The following CLGN variants were observed in gnomAD, a reference collection of about 807,000 sequenced individuals.
CLGN encodes the protein testis tissue sperm-binding protein Li 79P.
CLGN carries 62 observed loss-of-function variants against 79.1 expected under a neutral mutation model. That is an observed-to-expected ratio of 0.78 (90% CI 0.64 to 0.97). The LOEUF (loss-of-function observed/expected upper bound fraction) is 0.97, where lower values mean the gene tolerates loss of function less well. CLGN is among the 50% of genes least tolerant of loss of function. The probability of loss-of-function intolerance (pLI) is 0.00; values close to 1 mark genes in which losing one functional copy is unlikely to be tolerated. For synonymous variants in CLGN, 225 were observed against 224.7 expected (o/e 1.00, Z -0.01); for missense variants, 647 against 715.5 (o/e 0.90, Z 1.09).
chr4:140,398,739 A>G, intron 8 of CLGN, 112 bp downstream of exon 8: 1 of 835,972 alleles, frequency 1.2e-6, no homozygotes, highest in Admixed American at 2.7e-5. Context: ...ACTAAAAATA[A>G]GTAGTTCTGA....
In CLGN at chr4:140,392,373, T is replaced by C. The variant is rs370853657; in HGVS notation, c.1497A>G (p.Lys499=). The C allele has an allele frequency of 5.7e-5, 90 of 1,588,296 alleles. No homozygotes were observed. In the Middle Eastern group the frequency reaches 8.4e-4, roughly 15 times the overall value. Residue 499 remains lysine, a synonymous_variant, in exon 13 of 15, where the codon AAA becomes AAG. Coordinates refer to ENST00000325617, the MANE Select transcript of CLGN (RefSeq NM_004362.3). ...SFCWPRKVKK[K]HKDTEYKKTD... ...TTTTTTTATACTCTGTATCTTTATG[T>C]TTTTTCTGTGGTAGTTAACATAAGT...
chr4:140,418,953 CA>C, intron 1 of CLGN, among the ~76,000 whole-genome samples: 1 of 152,208 alleles, frequency 6.6e-6, no homozygotes, highest in African/African-American at 2.4e-5. Flanking sequence ...GGAACCAACC[CA>C]AATGTCCAAC....
intron 1 of CLGN, among the ~76,000 whole-genome samples, chr4:140,418,818 G>A (rs1446567767): frequency 2.2e-3 from 337 of 151,274 alleles, no homozygotes; most frequent in African/African-American, 7.1e-3. Context: ...ATCTAGAACT[G>A]GAAATACCAT....
At chr4:140,402,164 A>T in intron 5 of CLGN, 98 bp from the exon 6 acceptor site, 2 of 594,992 alleles carry the variant, frequency 3.4e-6, no homozygotes, top group East Asian at 3.3e-5. Flanking sequence ...GTAAGTATAA[A>T]TTTTTTTACA....
At position 140,396,920 on chromosome 4, in the gene CLGN, T is replaced by TAC. The variant is rs1399057414; in HGVS notation, c.885-716_885-715insGT. 2.3e-5 allele frequency among the ~76,000 whole-genome samples: 3 copies of TAC among 132,444 alleles called. 1 individual carries two copies. The highest frequency in any genetic ancestry group is 4.7e-5 in the Non-Finnish European group (3 of 64,348). 86.9% of individuals were successfully genotyped at this position (132,444 alleles called of 152,430 possible). ...ATATATATATATGTATATATATATATATACACATATATATATATACACATA... is the reference window on the plus strand; with the variant it reads ...ATATATATATATGTATATATATATATACATACACATATATATATATACACATA... On this transcript the variant is annotated intron_variant, in intron 8 of 14. Transcript: ENST00000325617.
intron 8 of CLGN, among the ~76,000 whole-genome samples, chr4:140,396,914 T>C (rs1481488499): frequency 1.4e-4 from 19 of 133,742 alleles, no homozygotes; most frequent in African/African-American, 4.6e-4. Context: ...TATGTATATA[T>C]ATATATATAC....
chr4:140,418,662 T>G (rs1227266384), intron 1 of CLGN, among the ~76,000 whole-genome samples: 4 of 151,470 alleles, frequency 2.6e-5, no homozygotes, highest in Admixed American at 2.0e-4. Context: ...GATACCATCT[T>G]ACACCAGTTA....
At chr4:140,417,582 G>C (rs1193158549) in intron 1 of CLGN, among the ~76,000 whole-genome samples, 7 of 146,082 alleles carry the variant, frequency 4.8e-5, no homozygotes, top group African/African-American at 1.8e-4. Context: ...GCCAAATCAT[G>C]AGTGAACTCC....
intron 1 of CLGN, among the ~76,000 whole-genome samples, chr4:140,416,584 A>G (rs1382369375): frequency 6.6e-6 from 1 of 150,916 alleles, no homozygotes; most frequent in Admixed American, 6.6e-5. Flanking sequence ...CTACACAAAT[A>G]AACTAGAAAA....
chr4:140,404,384 C>T (rs887794918), intron 5 of CLGN, among the ~76,000 whole-genome samples: 12 of 152,038 alleles, frequency 7.9e-5, no homozygotes, highest in Non-Finnish European at 2.9e-5. Context: ...TGAAGCACTG[C>T]GCCAGGCCTT....
intron 5 of CLGN, among the ~76,000 whole-genome samples, chr4:140,403,702 T>C (rs992753806): frequency 2.0e-5 from 3 of 152,236 alleles, no homozygotes; most frequent in Admixed American, 1.3e-4. Context: ...CATTGTTCCA[T>C]TATGCCTAGA....
At chr4:140,402,362 C>T (rs1296691927) in intron 5 of CLGN, among the ~76,000 whole-genome samples, 2 of 151,768 alleles carry the variant, frequency 1.3e-5, no homozygotes, top group East Asian at 1.9e-4. Flanking sequence ...GCATAAGATA[C>T]TGTAACTAAA....
rs534139213 is a variant in CLGN at position 140,395,729 on chromosome 4, C to T, written c.1149+90G>A. 4 of 1,139,704 alleles carry T rather than the reference C, an allele frequency of 3.5e-6. No individual in the cohort carries two copies. The African/African-American group carries it at 6.4e-5, about 18-fold the overall frequency. The allele number at this position is 1,139,704 out of a possible 1,614,324, so 70.6% of individuals were successfully genotyped here. ...CATCTTAAAATTAAAAATGAAACTT[C>T]CAAAAGTTGACATAGGTAATTAGAT... On this transcript the variant is annotated intron_variant, in intron 10 of 14. Transcript: ENST00000325617.
intron 14 of CLGN, among the ~76,000 whole-genome samples, chr4:140,389,532 G>A (rs986733893): frequency 4.6e-5 from 7 of 151,758 alleles, no homozygotes; most frequent in Non-Finnish European, 1.5e-5. Flanking sequence ...CTGAAAGATG[G>A]AATTAAGATG....
At chr4:140,413,828 G>A (rs1406798910) in intron 1 of CLGN, among the ~76,000 whole-genome samples, 1 of 152,264 alleles carries the variant, frequency 6.6e-6, no homozygotes, top group Non-Finnish European at 1.5e-5. Context: ...AAGGCAGCCT[G>A]GAAGCTCGAA....
At chr4:140,403,914 C>T (rs1249578903) in intron 5 of CLGN, among the ~76,000 whole-genome samples, 3 of 152,092 alleles carry the variant, frequency 2.0e-5, no homozygotes, top group South Asian at 4.1e-4. Flanking sequence ...TTTAGAGTAT[C>T]ATTTCTCAAA....
At position 140,392,591 on chromosome 4, in the gene CLGN, C is replaced by T; in HGVS notation, c.1486G>A (p.Val496Ile). Reference protein sequence around the residue: ...LITSFCWPRKVKKKHKDTEYK... With the variant: ...LITSFCWPRKIKKKHKDTEYK... ...AGGAAATCCATTTTCTTTACCTTTA[C>T]TTTTCTTGGCCAACAAAATGAAGTA... The change falls in exon 12 of 15, where the codon GTA (valine) becomes ATA (isoleucine). Residue 496 changes from valine (V) to isoleucine (I), a missense_variant. Transcript: ENST00000325617. 6.3e-7 allele frequency: 1 copy of T among 1,595,380 alleles called. No individual in the cohort carries two copies. The highest frequency in any genetic ancestry group is 8.5e-7 in the Non-Finnish European group (1 of 1,174,506).
chr4:140,393,296 G>C (rs1353474086), intron 11 of CLGN, among the ~76,000 whole-genome samples: 1 of 151,982 alleles, frequency 6.6e-6, no homozygotes, highest in Non-Finnish European at 1.5e-5. Context: ...CAAATGTAAG[G>C]TAAGAATTTT....
At chr4:140,402,198 A>T in intron 5 of CLGN, 132 bp from the exon 6 acceptor site, 1 of 501,154 alleles carries the variant, frequency 2.0e-6, no homozygotes, top group Admixed American at 4.0e-5. Context: ...CATATAAAGC[A>T]TATCTACAAC....
Sources: gnomAD v4.1 joint callset for allele counts (sites outside exome capture counted in the v4.1 genomes callset) on GRCh38, gnomAD v4.1.1 for gene constraint, MANE v1.5 for transcripts, NCBI Gene and HGNC (gene_info 2026-07-23, HGNC 2026-07-21) for gene names.